Variants in PRKG2 observed in about 807,000 individuals in gnomAD.
PRKG2 encodes cGMP-dependent protein kinase 2.
Under a neutral mutation model 97.2 loss-of-function variants are expected in PRKG2, and 33 were observed. The ratio of observed to expected loss-of-function variants is 0.34; its 90% CI spans 0.26 to 0.45. The LOEUF is 0.45. Ranked by LOEUF, PRKG2 falls within the 20% of genes least tolerant of loss-of-function variation. PRKG2 has a pLI of 1.00. For synonymous variants in PRKG2, 330 were observed against 321.8 expected (o/e 1.03, Z -0.27); for missense variants, 638 against 900.0 (o/e 0.71, Z 3.73).
At chr4:81,134,599 G>C (rs1746489876) in intron 14 of PRKG2, among the ~76,000 whole-genome samples, 1 of 152,104 alleles carries the variant, frequency 6.6e-6, no homozygotes, top group Non-Finnish European at 1.5e-5. Flanking sequence ...GCATGCAAAG[G>C]AGTCATATTA....
intron 2 of PRKG2, among the ~76,000 whole-genome samples, chr4:81,192,706 A>C (rs1752649449): frequency 6.6e-6 from 1 of 152,202 alleles, no homozygotes; most frequent in Non-Finnish European, 1.5e-5. Context: ...AAATGGTAGA[A>C]GTCTTTCTGG....
intron 2 of PRKG2, among the ~76,000 whole-genome samples, chr4:81,177,122 A>G (rs1208630110): frequency 2.0e-5 from 3 of 152,130 alleles, no homozygotes; most frequent in African/African-American, 7.2e-5. Flanking sequence ...GAAACCCCTC[A>G]TGATTTTAAA....
intron 6 of PRKG2, chr4:81,154,287 C>T (rs891532395): frequency 6.5e-6 from 1 of 154,294 alleles, no homozygotes; most frequent in Non-Finnish European, 1.4e-5. Context: ...GGAGGCCTGC[C>T]TGCCTCTGTA....
At chr4:81,213,232 C>T (rs1018595948) in intron 1 of PRKG2, among the ~76,000 whole-genome samples, 6 of 152,082 alleles carry the variant, frequency 3.9e-5, no homozygotes, top group African/African-American at 1.4e-4. Context: ...CCATAGAAGA[C>T]TTGAAGTACC....
intron 2 of PRKG2, among the ~76,000 whole-genome samples, chr4:81,186,056 C>A (rs2110103869): frequency 6.6e-6 from 1 of 152,246 alleles, no homozygotes; most frequent in African/African-American, 2.4e-5. Flanking sequence ...CAATATTAGA[C>A]AGATCAACAA....
At chr4:81,174,769 T>C (rs1373170164) in intron 3 of PRKG2, 24 bp downstream of exon 3, 2 of 1,581,582 alleles carry the variant, frequency 1.3e-6, no homozygotes, top group Non-Finnish European at 8.6e-7. Flanking sequence ...TTATTATATA[T>C]CTGGAAAAAT....
chr4:81,104,922 T>A (rs1743179282), intron 16 of PRKG2, among the ~76,000 whole-genome samples: 1 of 152,110 alleles, frequency 6.6e-6, no homozygotes, highest in Non-Finnish European at 1.5e-5. Flanking sequence ...AAGTCTCCTA[T>A]TCTCTGATAA....
In PRKG2 at chr4:81,200,707, G is replaced by T. The variant is rs529568344; in HGVS notation, c.461+3880C>A. Among the ~76,000 whole-genome samples, 34 of 152,206 alleles carry T rather than the reference G, an allele frequency of 2.2e-4. No homozygotes were observed. The South Asian group carries it at 7.0e-3, about 32-fold the overall frequency. ...TGTGTCCTTACTTCTCTAGTAAGGGGGGTAGCATCAAACAATCTGTAAGGT... is the reference window on the plus strand; with the variant it reads ...TGTGTCCTTACTTCTCTAGTAAGGGTGGTAGCATCAAACAATCTGTAAGGT... On this transcript the variant is annotated intron_variant, in intron 2 of 18. Coordinates refer to ENST00000264399, the MANE Select transcript of PRKG2 (RefSeq NM_006259.3).
intron 14 of PRKG2, among the ~76,000 whole-genome samples, chr4:81,127,638 T>C (rs1432886185): frequency 6.6e-6 from 1 of 152,118 alleles, no homozygotes; most frequent in Non-Finnish European, 1.5e-5. Context: ...CTCTGTGTAT[T>C]ACTGGTGTAT....
At chr4:81,194,972 C>G (rs905124315) in intron 2 of PRKG2, among the ~76,000 whole-genome samples, 10 of 152,148 alleles carry the variant, frequency 6.6e-5, no homozygotes, top group South Asian at 2.1e-4. Flanking sequence ...GCTCTTGCCT[C>G]AAATCAATTT....
At chr4:81,171,351 T>C (rs1750459887) in intron 4 of PRKG2, among the ~76,000 whole-genome samples, 2 of 152,268 alleles carry the variant, frequency 1.3e-5, no homozygotes, top group East Asian at 1.9e-4. Flanking sequence ...TCTTGTTCCT[T>C]TTTATGGCTG....
chr4:81,149,157 A>G (rs1298099520), intron 8 of PRKG2, among the ~76,000 whole-genome samples: 1 of 152,164 alleles, frequency 6.6e-6, no homozygotes. Flanking sequence ...CAAAGAATTC[A>G]GAGGAGAAGA....
chr4:81,144,611 T>TATATA lies in PRKG2; in HGVS notation c.1155-282_1155-281insTATAT, dbSNP rs1553923796. Among the ~76,000 whole-genome samples the TATATA allele has an allele frequency of 2.6e-4, 36 of 136,750 alleles. 1 individual carries two copies. The highest frequency in any genetic ancestry group is 3.9e-3 in the Middle Eastern group (1 of 256). The allele number at this position is 136,750 out of a possible 152,430, so 89.7% of individuals were successfully genotyped here. On this transcript the variant is annotated intron_variant, in intron 9 of 18. Coordinates refer to ENST00000264399, the MANE Select transcript of PRKG2 (RefSeq NM_006259.3). The stretch of plus-strand genomic sequence containing the variant: ...ATTTAAGGTTATATATATATATATA[T>TATATA]TTTTTTTTTATTATACTTTAAGTTC...
In PRKG2 at chr4:81,089,593, T is replaced by C. The variant is rs1741347656; in HGVS notation, c.*115A>G. On this transcript the variant is annotated 3_prime_UTR_variant, in exon 19 of 19. Coordinates refer to ENST00000264399, the MANE Select transcript of PRKG2 (RefSeq NM_006259.3). ...CTTCCCATTGTGCAGGAATTTCTTT[T>C]CCCTAATGGTCTTCCAAAGATATTA... is the stretch of plus-strand genomic sequence containing the variant. 11 of 737,960 alleles carry C rather than the reference T, an allele frequency of 1.5e-5. No individual in the cohort carries two copies. Among genetic ancestry groups the C allele is most frequent in the Non-Finnish European group, 2.0e-5 (9 of 460,632 alleles). 45.7% of individuals were successfully genotyped at this position (737,960 alleles called of 1,614,324 possible). A position where few individuals can be genotyped will look rare whatever the true frequency, so the allele number is the denominator to read the frequency against.
intron 11 of PRKG2, 62 bp downstream of exon 11, chr4:81,142,732 A>G: frequency 6.9e-7 from 1 of 1,448,518 alleles, no homozygotes; most frequent in East Asian, 2.3e-5. Context: ...GATATGCTGG[A>G]ATATAAAACA....
intron 2 of PRKG2, among the ~76,000 whole-genome samples, chr4:81,177,226 A>T (rs1751006697): frequency 6.6e-6 from 1 of 152,202 alleles, no homozygotes; most frequent in South Asian, 2.1e-4. Context: ...TTCTGCTTTT[A>T]AAATGTCATT....
chr4:81,139,961 C>CA (rs1747109084), intron 12 of PRKG2, among the ~76,000 whole-genome samples: 1 of 152,012 alleles, frequency 6.6e-6, no homozygotes, highest in Non-Finnish European at 1.5e-5. Context: ...GAGTACTACT[C>CA]AACCATACAA....
At chr4:81,172,738 T>C (rs144122016) in intron 3 of PRKG2, among the ~76,000 whole-genome samples, 70 of 152,256 alleles carry the variant, frequency 4.6e-4, no homozygotes, top group African/African-American at 1.6e-3. Flanking sequence ...CTTAAAGAAT[T>C]AGTCTTTCCT....
chr4:81,174,621 C>G (rs1012056411), intron 3 of PRKG2, among the ~76,000 whole-genome samples, 172 bp downstream of exon 3: 1 of 152,032 alleles, frequency 6.6e-6, no homozygotes, highest in East Asian at 1.9e-4. Context: ...ATATTACCAT[C>G]AATTAAACAT....
Sources: gnomAD v4.1 joint callset for allele counts (sites outside exome capture counted in the v4.1 genomes callset) on GRCh38, gnomAD v4.1.1 for gene constraint, MANE v1.5 for transcripts, NCBI Gene and HGNC (gene_info 2026-07-23, HGNC 2026-07-21) for gene names.